CSMD2: variants seen among roughly 807,000 people sequenced by gnomAD.
CSMD2 encodes the protein CUB and Sushi multiple domains 2.
CSMD2 carries 130 observed loss-of-function variants against 398.5 expected under a neutral mutation model. The observed-to-expected ratio is 0.33, with a 90% CI of 0.28 to 0.38. CSMD2 has a LOEUF of 0.38. Ranked by LOEUF, CSMD2 falls within the 10% of genes least tolerant of loss-of-function variation. The pLI, the probability that CSMD2 is intolerant of heterozygous loss-of-function variation, is 1.00. For missense variants in CSMD2, 3,829 were observed against 4,764.9 expected, an observed-to-expected ratio of 0.80 and a Z score of 5.78; for synonymous variants, 1,828 against 1,908.5, an observed-to-expected ratio of 0.96 and a Z score of 1.10.
At chr1:33,808,115 C>G (rs545947511) in intron 10 of CSMD2, among the ~76,000 whole-genome samples, 1 of 152,106 alleles carries the variant, frequency 6.6e-6, no homozygotes, top group East Asian at 1.9e-4. Context: ...AACACAGTCT[C>G]AAAATACATG....
intron 1 of CSMD2, among the ~76,000 whole-genome samples, chr1:34,092,249 A>C (rs1156647685): frequency 6.6e-6 from 1 of 152,238 alleles, no homozygotes; most frequent in Non-Finnish European, 1.5e-5. Context: ...GAGTGGATAC[A>C]GAAAGGTTAA....
chr1:34,125,798 C>A (rs1662683424), intron 1 of CSMD2, among the ~76,000 whole-genome samples: 1 of 152,176 alleles, frequency 6.6e-6, no homozygotes, highest in Non-Finnish European at 1.5e-5. Context: ...CCCAGCCCCA[C>A]TGTCTTCTGG....
chr1:34,019,715 G>C (rs1479132318), intron 3 of CSMD2, among the ~76,000 whole-genome samples: 1 of 152,132 alleles, frequency 6.6e-6, no homozygotes, highest in Non-Finnish European at 1.5e-5. Context: ...CCCTGCCTAA[G>C]ACCCTTCAGC....
intron 13 of CSMD2, among the ~76,000 whole-genome samples, chr1:33,756,086 G>A (rs915135247): frequency 3.9e-5 from 6 of 152,084 alleles, no homozygotes; most frequent in South Asian, 2.1e-4. Context: ...AGCTCTGACC[G>A]TCCCTTGGCA....
intron 2 of CSMD2, among the ~76,000 whole-genome samples, chr1:34,059,949 C>T (rs578202648): frequency 1.3e-5 from 2 of 152,312 alleles, no homozygotes; most frequent in South Asian, 4.1e-4. Flanking sequence ...CCCTGCTGGA[C>T]CATCAGGTCA....
chr1:33,640,358 C>G (rs1643035204), intron 29 of CSMD2, among the ~76,000 whole-genome samples: 1 of 152,236 alleles, frequency 6.6e-6, no homozygotes, highest in East Asian at 1.9e-4. Context: ...CTTGGGCTCA[C>G]ATACAAAAAA....
chr1:33,707,171 A>G (rs779467758), intron 22 of CSMD2, among the ~76,000 whole-genome samples: 3 of 152,212 alleles, frequency 2.0e-5, no homozygotes, highest in Non-Finnish European at 4.4e-5. Context: ...GCCATACTCC[A>G]TATGACCTCC....
intron 5 of CSMD2, among the ~76,000 whole-genome samples, chr1:33,917,025 T>C (rs1429650825): frequency 6.6e-6 from 1 of 152,122 alleles, no homozygotes; most frequent in Non-Finnish European, 1.5e-5. Context: ...ACCCACTTTC[T>C]GCTCCGCTCA....
At chr1:33,763,506 C>T (rs1650097868) in intron 13 of CSMD2, among the ~76,000 whole-genome samples, 1 of 152,240 alleles carries the variant, frequency 6.6e-6, no homozygotes, top group Admixed American at 6.5e-5. Context: ...ACCAAAGACA[C>T]TTCCTTCTCC....
In CSMD2 at chr1:33,557,864, G is replaced by A. The variant is rs202192742; in HGVS notation, c.8613C>T (p.Ser2871=). 3.5e-5 allele frequency: 54 copies of A among 1,536,124 alleles called. No individual in the cohort carries two copies. The highest frequency in any genetic ancestry group is 2.2e-4 in the African/African-American group (16 of 73,154). The stretch of plus-strand genomic sequence containing the variant: ...TGCCGAAGCTGAACCTGTGCGGGCC[G>A]CTGGCGTGGACCTGACGAACACTAT... ...QENSVRQVHA[S]GPHRFSFGTT... Residue 2871 remains serine, a synonymous_variant, in exon 55 of 71, where the codon AGC becomes AGT. Transcript: ENST00000373381.
chr1:33,659,081 G>T (rs1644042214), intron 26 of CSMD2, among the ~76,000 whole-genome samples: 1 of 152,206 alleles, frequency 6.6e-6, no homozygotes, highest in Non-Finnish European at 1.5e-5. Flanking sequence ...TAGCAAGTGG[G>T]CAGAGAAGAA....
chr1:34,110,511 C>T (rs1571153857), intron 1 of CSMD2, among the ~76,000 whole-genome samples: 1 of 150,420 alleles, frequency 6.6e-6, no homozygotes, highest in Non-Finnish European at 1.5e-5. Flanking sequence ...GCTATCCAGC[C>T]ATAAAAAAAA....
chr1:33,528,428 T>C (rs529450728), intron 64 of CSMD2, among the ~76,000 whole-genome samples: 1 of 152,364 alleles, frequency 6.6e-6, no homozygotes, highest in East Asian at 1.9e-4. Flanking sequence ...AGCACAGCTT[T>C]AGCAAATCTC....
At chr1:33,829,578 G>A (rs567423790) in intron 6 of CSMD2, among the ~76,000 whole-genome samples, 4 of 152,302 alleles carry the variant, frequency 2.6e-5, no homozygotes, top group African/African-American at 7.2e-5. Flanking sequence ...CAGCGTGAGC[G>A]ACGCAGAAGA....
intron 22 of CSMD2, among the ~76,000 whole-genome samples, chr1:33,702,932 T>C (rs1645657708): frequency 6.6e-6 from 1 of 152,168 alleles, no homozygotes; most frequent in Non-Finnish European, 1.5e-5. Flanking sequence ...CAAACTCTGT[T>C]TGTAAATATT....
intron 55 of CSMD2, among the ~76,000 whole-genome samples, chr1:33,551,799 G>A (rs1048175268): frequency 5.9e-5 from 9 of 152,282 alleles, no homozygotes; most frequent in African/African-American, 1.9e-4. Flanking sequence ...AACAAAACAT[G>A]GTGGAAGTGA....
intron 1 of CSMD2, among the ~76,000 whole-genome samples, chr1:34,117,463 T>TA (rs914708687): frequency 6.6e-6 from 1 of 151,982 alleles, no homozygotes; most frequent in African/African-American, 2.4e-5. Context: ...GAATCAGTAA[T>TA]AAAAAACCTA....
intron 19 of CSMD2, 39 bp downstream of exon 19, chr1:33,724,158 C>T (rs771471435): frequency 2.2e-5 from 33 of 1,468,080 alleles, no homozygotes; most frequent in East Asian, 9.1e-5. Context: ...TCCCTGACCT[C>T]GTCACATCCC....
chr1:34,164,111 C>A lies in CSMD2; in HGVS notation c.187+800G>T, dbSNP rs1641627545. ...GCCGAGGCGCTCGGCTGCAGCAGGG[C>A]GCGGGAAAGGGCACTTTGGCGCGGA... On this transcript the variant is annotated intron_variant, in intron 1 of 70. Transcript: ENST00000373381. The surrounding 1 kb of genome is among the most constrained non-coding windows in gnomAD (Gnocchi z 6.2). Among the ~76,000 whole-genome samples the A allele has an allele frequency of 6.6e-6, 1 of 152,064 alleles. No homozygotes were observed. Among genetic ancestry groups the A allele is most frequent in the South Asian group, 2.1e-4 (1 of 4,828 alleles).
Sources: gnomAD v4.1 joint callset for allele counts (sites outside exome capture counted in the v4.1 genomes callset) on GRCh38, gnomAD v4.1.1 for gene constraint, Gnocchi (gnomAD v3.1) non-coding constraint, MANE v1.5 for transcripts, NCBI Gene and HGNC (gene_info 2026-07-23, HGNC 2026-07-21) for gene names.